SSBP2: variants seen among roughly 807,000 people sequenced by gnomAD.
SSBP2 encodes single-stranded DNA-binding protein 2.
SSBP2 carries 17 observed loss-of-function variants against 61.8 expected under a neutral mutation model. The ratio of observed to expected loss-of-function variants is 0.28; its 90% CI spans 0.19 to 0.41. SSBP2 has a LOEUF of 0.41. SSBP2 is among the 10% of genes least tolerant of loss of function. SSBP2 has a pLI of 1.00. For missense variants in SSBP2, 310 were observed against 458.7 expected, an observed-to-expected ratio of 0.68 and a Z score of 2.96; for synonymous variants, 139 against 141.3, an observed-to-expected ratio of 0.98 and a Z score of 0.12.
At chr5:81,678,745 T>C (rs761398528) in intron 1 of SSBP2, among the ~76,000 whole-genome samples, 5 of 152,022 alleles carry the variant, frequency 3.3e-5, no homozygotes, top group Admixed American at 6.6e-5. Context: ...TCGGAAACTA[T>C]GTACGCAGGA....
intron 5 of SSBP2, among the ~76,000 whole-genome samples, chr5:81,502,235 G>C (rs1352725873): frequency 6.6e-6 from 1 of 152,126 alleles, no homozygotes; most frequent in Non-Finnish European, 1.5e-5. Context: ...GTGAGCCATT[G>C]ACTAATTTGA....
chr5:81,673,441 T>C (rs1396285104), intron 1 of SSBP2, among the ~76,000 whole-genome samples: 1 of 152,130 alleles, frequency 6.6e-6, no homozygotes, highest in African/African-American at 2.4e-5. Context: ...ATCCTGTGCT[T>C]GAATCAAAAA....
intron 1 of SSBP2, among the ~76,000 whole-genome samples, chr5:81,687,210 T>C (rs115775286): frequency 4.5e-4 from 69 of 152,278 alleles, no homozygotes; most frequent in African/African-American, 1.6e-3. Context: ...ACAGTGACTG[T>C]GGGACTTCGC....
chr5:81,696,471 A>G (rs577520833), intron 1 of SSBP2, among the ~76,000 whole-genome samples: 2 of 152,168 alleles, frequency 1.3e-5, no homozygotes, highest in African/African-American at 4.8e-5. Flanking sequence ...CCTGCTCCTC[A>G]AGGGGTATGG....
intron 4 of SSBP2, among the ~76,000 whole-genome samples, chr5:81,541,174 C>A (rs1459614536): frequency 1.3e-5 from 2 of 151,828 alleles, no homozygotes; most frequent in Non-Finnish European, 2.9e-5. Context: ...ACTATAGCCA[C>A]AGGAAAAAAA....
chr5:81,665,359 T>G (rs1206909672), intron 1 of SSBP2, among the ~76,000 whole-genome samples: 1 of 152,190 alleles, frequency 6.6e-6, no homozygotes, highest in Non-Finnish European at 1.5e-5. Flanking sequence ...ACAGCACTGA[T>G]GGATGGATAT....
rs577291103 is a variant in SSBP2, at chr5:81,661,514, CTCT to C, written c.63-11178_63-11176del. Among the ~76,000 whole-genome samples, 33 of 112,620 alleles carry C rather than the reference CTCT, an allele frequency of 2.9e-4. No individual in the cohort carries two copies. The East Asian group carries it at 5.9e-3, about 20-fold the overall frequency. 73.9% of individuals were successfully genotyped at this position (112,620 alleles called of 152,430 possible). On this transcript the variant is annotated intron_variant, in intron 1 of 16. Coordinates refer to ENST00000320672, the MANE Select transcript of SSBP2 (RefSeq NM_012446.5). ...CATCCACATCCTCAATAACACTTCTCTCTTTTTTTTTTTAATAACAGCCATTCT... is the reference window on the plus strand; with the variant it reads ...CATCCACATCCTCAATAACACTTCTCTTTTTTTTTTAATAACAGCCATTCT...
At chr5:81,583,799 C>T (rs373065461) in intron 4 of SSBP2, among the ~76,000 whole-genome samples, 52 of 152,070 alleles carry the variant, frequency 3.4e-4, no homozygotes, top group African/African-American at 1.1e-3. Flanking sequence ...ATGAAGTTTC[C>T]GTTCATGTTT....
At chr5:81,548,325 G>A (rs749880499) in intron 4 of SSBP2, among the ~76,000 whole-genome samples, 2 of 152,144 alleles carry the variant, frequency 1.3e-5, no homozygotes, top group Non-Finnish European at 2.9e-5. Context: ...CACTGTGGGC[G>A]CAGCATGCTG....
At chr5:81,516,718 T>C (rs1353626288) in intron 4 of SSBP2, among the ~76,000 whole-genome samples, 1 of 152,074 alleles carries the variant, frequency 6.6e-6, no homozygotes, top group Admixed American at 6.6e-5. Context: ...AAAGAGTATA[T>C]TTCTCAAACT....
At chr5:81,556,777 G>A (rs1013704208) in intron 4 of SSBP2, among the ~76,000 whole-genome samples, 31 of 152,102 alleles carry the variant, frequency 2.0e-4, no homozygotes, top group African/African-American at 7.5e-4. Context: ...GATTCTGTTC[G>A]CTTATTAGCT....
intron 10 of SSBP2, among the ~76,000 whole-genome samples, chr5:81,459,426 G>T (rs1249644025): frequency 6.6e-6 from 1 of 152,110 alleles, no homozygotes; most frequent in African/African-American, 2.4e-5. Flanking sequence ...TATAAAGGTG[G>T]GTAGTGGTGG....
Position 81,468,562 on chromosome 5 carries a change from T to A in SSBP2, c.571-1521A>T, listed in dbSNP as rs147448852. 2.3e-4 allele frequency among the ~76,000 whole-genome samples: 35 copies of A among 152,060 alleles called. No homozygotes were observed. In the Middle Eastern group the frequency reaches 0.01, roughly 44 times the overall value. On this transcript the variant is annotated intron_variant, in intron 8 of 16. Coordinates refer to ENST00000320672, the MANE Select transcript of SSBP2 (RefSeq NM_012446.5). ...CATTTTCTATAATTTTCATCTTTATTCCCTACTCCCAACCATACCCTCCAA... is the reference window on the plus strand; with the variant it reads ...CATTTTCTATAATTTTCATCTTTATACCCTACTCCCAACCATACCCTCCAA...
rs1561609201 is a variant in SSBP2 at position 81,615,539 on chromosome 5, G to A, written c.216C>T (p.Tyr72=). 1 of 1,612,894 alleles carries A rather than the reference G, an allele frequency of 6.2e-7. No individual in the cohort carries two copies. Among genetic ancestry groups the A allele is most frequent in the Non-Finnish European group, 8.5e-7 (1 of 1,179,278 alleles). The change falls in exon 4 of 17, where the codon TAC becomes TAT. Residue 72 remains tyrosine, a synonymous_variant. Transcript: ENST00000320672. Reference sequence around the variant, plus strand: ...TTTCACGTCTCTCTGGAGCTGCACAGTAGAGATCCCAAAATACACTAAAAA... The same window carrying A: ...TTTCACGTCTCTCTGGAGCTGCACAATAGAGATCCCAAAATACACTAAAAA...
At chr5:81,640,476 A>G (rs1321419435) in intron 2 of SSBP2, among the ~76,000 whole-genome samples, 2 of 152,216 alleles carry the variant, frequency 1.3e-5, no homozygotes, top group African/African-American at 4.8e-5. Flanking sequence ...ATATAAATAT[A>G]GGCCAGATCC....
intron 3 of SSBP2, among the ~76,000 whole-genome samples, chr5:81,627,420 C>T (rs1267920189): frequency 6.6e-6 from 1 of 152,068 alleles, no homozygotes; most frequent in African/African-American, 2.4e-5. Flanking sequence ...GTTATTATAC[C>T]TTGCCTGTTA....
At chr5:81,626,810 A>C (rs1689713848) in intron 3 of SSBP2, among the ~76,000 whole-genome samples, 1 of 152,174 alleles carries the variant, frequency 6.6e-6, no homozygotes, top group Admixed American at 6.5e-5. Context: ...ACAATGCTCA[A>C]ATGGGAAATG....
At chr5:81,428,407 A>G (rs1762085314) in intron 16 of SSBP2, among the ~76,000 whole-genome samples, 178 bp downstream of exon 16, 1 of 152,228 alleles carries the variant, frequency 6.6e-6, no homozygotes, top group Non-Finnish European at 1.5e-5. Flanking sequence ...AGAATAAAAA[A>G]GAAAAAGTTT....
intron 2 of SSBP2, among the ~76,000 whole-genome samples, chr5:81,639,879 A>C (rs1197274537): frequency 6.6e-6 from 1 of 152,214 alleles, no homozygotes; most frequent in Non-Finnish European, 1.5e-5. Context: ...AAGTGGTCCT[A>C]AATGTAGAAA....
Sources: allele counts gnomAD v4.1 joint callset (sites outside exome capture counted in the v4.1 genomes callset), GRCh38; gene constraint gnomAD v4.1.1; transcripts MANE v1.5; gene names NCBI Gene and HGNC (gene_info 2026-07-23, HGNC 2026-07-21).